The following DENND4A variants were observed in gnomAD, a reference collection of about 807,000 sequenced individuals.
DENND4A encodes the protein C-myc promoter-binding protein.
DENND4A carries 70 observed loss-of-function variants against 199.3 expected under a neutral mutation model. The ratio of observed to expected loss-of-function variants is 0.35; its 90% CI spans 0.29 to 0.43. The LOEUF (loss-of-function observed/expected upper bound fraction) is 0.43. Ranked by LOEUF, DENND4A falls within the 20% of genes least tolerant of loss-of-function variation. The probability of loss-of-function intolerance (pLI) is 1.00; values close to 1 mark genes in which losing one functional copy is unlikely to be tolerated. For missense variants in DENND4A, 1,723 were observed against 2,255.8 expected (o/e 0.76, Z 4.78); for synonymous variants, 686 against 766.9 (o/e 0.89, Z 1.74).
chr15:65,771,746 T>C, intron 1 of DENND4A: 1 of 1,612,144 alleles, frequency 6.2e-7, no homozygotes, highest in Non-Finnish European at 8.5e-7. Context: ...ACAAAACCTC[T>C]ATGGAAATTA....
Position 65,669,766 on chromosome 15 carries a change from TA to T in DENND4A, c.4787+12del. 6.3e-7 allele frequency: 1 copy of T among 1,593,844 alleles called. No homozygotes were observed. Among genetic ancestry groups the T allele is most frequent in the Non-Finnish European group, 8.6e-7 (1 of 1,166,282 alleles). On this transcript the variant is annotated intron_variant, in intron 27 of 32. Transcript: ENST00000443035. ...TATGTTGTTAAAATATAGTTCCACA[TA>T]ATCATAATTACCTATTTAGATCAAA... is the stretch of plus-strand genomic sequence containing the variant.
chr15:65,689,717 G>C (rs1246662093), intron 23 of DENND4A, among the ~76,000 whole-genome samples: 1 of 152,174 alleles, frequency 6.6e-6, no homozygotes, highest in Non-Finnish European at 1.5e-5. Context: ...GCAGTATCAA[G>C]TATTTGGAAA....
chr15:65,761,136 A>G (rs984752277), intron 2 of DENND4A, among the ~76,000 whole-genome samples: 2 of 152,216 alleles, frequency 1.3e-5, no homozygotes, highest in South Asian at 4.1e-4. Context: ...TATACTTCAC[A>G]TTGAAGATTT....
intron 7 of DENND4A, 50 bp downstream of exon 7, chr15:65,737,644 GACACAAATTTGCC>G (rs1370441576): frequency 1.3e-6 from 2 of 1,484,140 alleles, no homozygotes; most frequent in African/African-American, 2.9e-5. Flanking sequence ...CCCAGTTGCC[GACACAAATTTGCC>G]ACATAATGGA....
At chr15:65,754,059 C>T (rs545112638) in intron 3 of DENND4A, 1 of 152,122 alleles carries the variant, frequency 6.6e-6, no homozygotes, top group African/African-American at 2.4e-5. Context: ...ATCTCGAACG[C>T]CTGACCTCAG....
intron 13 of DENND4A, 131 bp downstream of exon 13, chr15:65,717,647 G>A: frequency 1.2e-6 from 1 of 825,704 alleles, no homozygotes; most frequent in Non-Finnish European, 1.9e-6. Context: ...AACCAACAAA[G>A]CTAGTATTCA....
intron 11 of DENND4A, among the ~76,000 whole-genome samples, chr15:65,724,964 C>T (rs1284483921): frequency 1.3e-5 from 2 of 152,104 alleles, no homozygotes; most frequent in African/African-American, 4.8e-5. Flanking sequence ...AAAGGGCACT[C>T]GGGATATGTT....
At chr15:65,732,067 T>G (rs922756363) in intron 8 of DENND4A, among the ~76,000 whole-genome samples, 3 of 152,116 alleles carry the variant, frequency 2.0e-5, no homozygotes, top group Non-Finnish European at 4.4e-5. Flanking sequence ...AAGGTTTTAC[T>G]GAAATATAGG....
intron 14 of DENND4A, among the ~76,000 whole-genome samples, chr15:65,712,559 T>A (rs1371830327): frequency 5.9e-5 from 9 of 152,210 alleles, no homozygotes; most frequent in Non-Finnish European, 1.3e-4. Context: ...CAATGTAGTA[T>A]GTTTTTCCTA....
At chr15:65,697,635 TAA>T (rs1435738076) in intron 20 of DENND4A, among the ~76,000 whole-genome samples, 1 of 152,196 alleles carries the variant, frequency 6.6e-6, no homozygotes, top group Admixed American at 6.5e-5. Flanking sequence ...TAGTCAAAAG[TAA>T]CTACATACAT....
chr15:65,720,957 A>C (rs1448612308), intron 12 of DENND4A, among the ~76,000 whole-genome samples: 3 of 37,974 alleles, frequency 7.9e-5, no homozygotes, highest in Non-Finnish European at 2.0e-4. Flanking sequence ...TTATATATAT[A>C]TATATATATA....
intron 1 of DENND4A, chr15:65,771,963 T>C (rs1017920381): frequency 5.2e-5 from 81 of 1,563,152 alleles, no homozygotes; most frequent in Non-Finnish European, 6.9e-5. Context: ...CACCACTATC[T>C]TTCGTAACTC....
At chr15:65,729,325 T>C in intron 10 of DENND4A, 78 bp from the exon 11 acceptor site, 2 of 1,467,690 alleles carry the variant, frequency 1.4e-6, no homozygotes, top group Non-Finnish European at 1.9e-6. Context: ...CAAAAAACTG[T>C]CTTTTAAGTA....
intron 13 of DENND4A, among the ~76,000 whole-genome samples, chr15:65,716,660 G>C (rs985014627): frequency 6.6e-6 from 1 of 151,906 alleles, no homozygotes; most frequent in Non-Finnish European, 1.5e-5. Flanking sequence ...GGACATTTGG[G>C]TTGGTTCCAA....
intron 15 of DENND4A, among the ~76,000 whole-genome samples, chr15:65,704,096 A>G (rs1369773507): frequency 6.6e-6 from 1 of 152,226 alleles, no homozygotes; most frequent in African/African-American, 2.4e-5. Context: ...AGGAAACAGC[A>G]AAGAAATCCA....
Position 65,728,793 on chromosome 15 carries a change from T to C in DENND4A, c.1487+279A>G, listed in dbSNP as rs140315864. Among the ~76,000 whole-genome samples the C allele has an allele frequency of 2.0e-5, 3 of 152,204 alleles. No homozygotes were observed. The East Asian group carries it at 5.8e-4, about 29-fold the overall frequency. On this transcript the variant is annotated intron_variant, in intron 11 of 32. Transcript: ENST00000443035. ...CATGAGCCACCGCGCCCGGCCCCCT[T>C]TGGCTAAATTTCTAAGCAAGCCTAA...
chr15:65,763,196 G>A (rs991827122), intron 1 of DENND4A, among the ~76,000 whole-genome samples: 8 of 152,048 alleles, frequency 5.3e-5, no homozygotes, highest in African/African-American at 1.7e-4. Flanking sequence ...TAGCTTCTGC[G>A]GGGAAACAAG....
At chr15:65,732,688 GT>G in intron 8 of DENND4A, 63 bp downstream of exon 8, 1 of 935,256 alleles carries the variant, frequency 1.1e-6, no homozygotes, top group Non-Finnish European at 1.7e-6. Flanking sequence ...TTATTCTTAT[GT>G]TACATTTTGA....
intron 6 of DENND4A, 117 bp from the exon 7 acceptor site, chr15:65,738,062 G>T: frequency 1.0e-6 from 1 of 978,192 alleles, no homozygotes; most frequent in Non-Finnish European, 1.5e-6. Context: ...CAGGTATTAA[G>T]AACACAGTGA....
Sources: gnomAD v4.1 joint callset for allele counts (sites outside exome capture counted in the v4.1 genomes callset) on GRCh38, gnomAD v4.1.1 for gene constraint, MANE v1.5 for transcripts, NCBI Gene and HGNC (gene_info 2026-07-23, HGNC 2026-07-21) for gene names.